Variants in TTC12 observed in about 807,000 individuals in gnomAD.
TTC12 encodes the protein tetratricopeptide repeat protein 12.
In TTC12, 70 loss-of-function variants were observed where a neutral mutation model predicts 90.1. The ratio of observed to expected loss-of-function variants is 0.78; its 90% confidence interval spans 0.64 to 0.95. TTC12 has a LOEUF of 0.95. Among genes scored for constraint, TTC12 ranks in the 40% least tolerant of loss-of-function variants. The pLI, the probability that TTC12 is intolerant of heterozygous loss-of-function variation, is 0.00. For missense variants in TTC12, 819 were observed against 846.1 expected (o/e 0.97, Z 0.40); for synonymous variants, 296 against 311.5 (o/e 0.95, Z 0.53).
At chr11:113,315,179 C>A in intron 1 of TTC12, 1 of 152,526 alleles carries the variant, frequency 6.6e-6, no homozygotes, top group Non-Finnish European at 1.5e-5. Flanking sequence ...TAAGCCGCAA[C>A]CCCACCCCCT....
At chr11:113,341,753 C>A in intron 11 of TTC12, 84 bp from the exon 12 acceptor site, 1 of 1,013,060 alleles carries the variant, frequency 9.9e-7, no homozygotes, top group Non-Finnish European at 1.6e-6. Flanking sequence ...TTTGGTGAAT[C>A]TAGGGGTGAA....
At chr11:113,326,467 CA>C (rs1555141090) in intron 6 of TTC12, among the ~76,000 whole-genome samples, 2 of 152,072 alleles carry the variant, frequency 1.3e-5, no homozygotes, top group African/African-American at 4.8e-5. Context: ...CTGTCATTTG[CA>C]AGAGGGAGAG....
intron 19 of TTC12, 103 bp downstream of exon 19, chr11:113,362,605 A>G (rs1949999196): frequency 1.3e-6 from 1 of 785,768 alleles, no homozygotes; most frequent in Non-Finnish European, 2.1e-6. Flanking sequence ...ATGTGCTGCC[A>G]TTTCTTCCTT....
chr11:113,368,800 G>C (rs76781840), downstream of TTC12: 2,165 of 426,628 alleles, frequency 5.1e-3, 45 homozygotes, highest in African/African-American at 0.039. Context: ...TGACTAAGAA[G>C]TATTAGGTTG....
rs782529412 is a variant in TTC12, at chr11:113,323,287, G to C, written c.59-1G>C. On this transcript the variant is annotated splice_acceptor_variant, in intron 2 of 21. Coordinates refer to ENST00000529221, the MANE Select transcript of TTC12 (RefSeq NM_017868.4). LOFTEE classifies it high-confidence loss of function. Reference sequence around the variant, plus strand: ...TAAGTCACACCTGATTTCTTCTCTAGCCAATTTAATTCAGGAGATGAATTC... The same window carrying C: ...TAAGTCACACCTGATTTCTTCTCTACCCAATTTAATTCAGGAGATGAATTC... The C allele has an allele frequency of 6.3e-7, 1 of 1,595,884 alleles. No homozygotes were observed. Among genetic ancestry groups the C allele is most frequent in the Non-Finnish European group, 8.5e-7 (1 of 1,173,458 alleles).
intron 6 of TTC12, among the ~76,000 whole-genome samples, chr11:113,326,189 C>T (rs1443944431): frequency 6.6e-6 from 1 of 152,110 alleles, no homozygotes; most frequent in South Asian, 2.1e-4. Flanking sequence ...GGTTTTTATG[C>T]ATTAGTATAT....
At chr11:113,324,745 G>A in intron 5 of TTC12, 63 bp downstream of exon 5, 1 of 1,430,196 alleles carries the variant, frequency 7.0e-7, no homozygotes, top group Admixed American at 1.8e-5. Flanking sequence ...GCACACGAAG[G>A]CCTGTATGCT....
chr11:113,356,185 T>G (rs1394555783), intron 16 of TTC12, among the ~76,000 whole-genome samples: 1 of 152,244 alleles, frequency 6.6e-6, no homozygotes, highest in Non-Finnish European at 1.5e-5. Flanking sequence ...CCTTTACCAA[T>G]ATGTGTAATC....
At chr11:113,335,074 C>T in intron 8 of TTC12, 37 bp downstream of exon 8, 1 of 1,446,360 alleles carries the variant, frequency 6.9e-7, no homozygotes, top group Middle Eastern at 1.7e-4. Context: ...CATGTTTGAT[C>T]ACAGACTGAT....
chr11:113,359,517 T>C, intron 17 of TTC12, 56 bp downstream of exon 17: 2 of 1,211,554 alleles, frequency 1.7e-6, no homozygotes, highest in South Asian at 1.2e-5. Flanking sequence ...ACACATTCTG[T>C]GGCATAAAAC....
intron 12 of TTC12, among the ~76,000 whole-genome samples, chr11:113,343,797 A>T (rs1383036832): frequency 4.6e-5 from 7 of 152,140 alleles, no homozygotes; most frequent in Non-Finnish European, 8.8e-5. Flanking sequence ...CTCTCATGTG[A>T]TATTCTAGTT....
intron 19 of TTC12, among the ~76,000 whole-genome samples, chr11:113,363,297 A>G (rs1188639878): frequency 1.3e-5 from 2 of 152,242 alleles, no homozygotes; most frequent in South Asian, 4.1e-4. Flanking sequence ...TCCTGATGGC[A>G]TGCATACCCA....
intron 1 of TTC12, 170 bp from the exon 2 acceptor site, chr11:113,316,073 C>T (rs113455158): frequency 1.2e-3 from 475 of 396,318 alleles, no homozygotes; most frequent in African/African-American, 8.5e-3. Context: ...TGCCTCTTGG[C>T]CTAAAACAGC....
rs75927379 is a variant in TTC12 at position 113,363,997 on chromosome 11, C to T, written c.1816+70C>T. 4.3e-3 allele frequency: 4,684 copies of T among 1,086,504 alleles called. 140 individuals are homozygous for T. The African/African-American group carries it at 0.065, about 15-fold the overall frequency. The allele number at this position is 1,086,504 out of a possible 1,614,324, so 67.3% of individuals were successfully genotyped here. On this transcript the variant is annotated intron_variant, in intron 20 of 21. Coordinates refer to ENST00000529221, the MANE Select transcript of TTC12 (RefSeq NM_017868.4). ...TCCACCCTTGAAGCTGCAAAGGGAACTGTGGTCGAGGAGGAACTTAGCAGC... is the reference window on the plus strand; with the variant it reads ...TCCACCCTTGAAGCTGCAAAGGGAATTGTGGTCGAGGAGGAACTTAGCAGC...
At chr11:113,355,139 A>G (rs183537274) in intron 16 of TTC12, among the ~76,000 whole-genome samples, 96 of 152,154 alleles carry the variant, frequency 6.3e-4, no homozygotes, top group African/African-American at 2.2e-3. Context: ...TTCAGAGCTC[A>G]TTATTGGTTT....
At chr11:113,361,954 T>TAAA (rs35243476) in intron 18 of TTC12, among the ~76,000 whole-genome samples, 21 of 137,962 alleles carry the variant, frequency 1.5e-4, no homozygotes, top group African/African-American at 4.4e-4. Context: ...GGCATTTATT[T>TAAA]AAAAAAAAAA....
intron 16 of TTC12, 26 bp from the exon 17 acceptor site, chr11:113,359,337 T>G (rs1949790398): frequency 6.5e-7 from 1 of 1,527,862 alleles, no homozygotes; most frequent in Non-Finnish European, 9.0e-7. Context: ...AAAAAGGTCA[T>G]TGGTTACCTT....
chr11:113,344,433 C>T lies in TTC12; in HGVS notation c.1147C>T (p.Leu383=), dbSNP rs782032271. 4 of 1,613,430 alleles carry T rather than the reference C, an allele frequency of 2.5e-6. No individual in the cohort carries two copies. In the Admixed American group the frequency reaches 5.0e-5, roughly 20 times the overall value. Residue 383 remains leucine (L), a synonymous_variant, in exon 13 of 22, where the codon CTG becomes TTG. Transcript: ENST00000529221. ...GAGCCTGATCATCAACCACCTTGAC[C>T]TGACCAGGTAAGCCTCTGCTGGCAG... The part of the protein sequence containing the change: ...GRSLIINHLD[L]TRLLEALVSF...
rs562244365 is a variant in TTC12, at chr11:113,340,946, G to A, written c.896+213G>A. 2.0e-5 allele frequency among the ~76,000 whole-genome samples: 3 copies of A among 152,278 alleles called. No individual in the cohort carries two copies. In the East Asian group the frequency reaches 5.8e-4, roughly 29 times the overall value. ...TGGAGTTACACTGCAGCTAACAATT[G>A]AGGCTGGGCGCGGTGGCTCATGCCA... On this transcript the variant is annotated intron_variant, in intron 11 of 21. Transcript: ENST00000529221.
Sources: allele counts gnomAD v4.1 joint callset (sites outside exome capture counted in the v4.1 genomes callset), GRCh38; gene constraint gnomAD v4.1.1; transcripts MANE v1.5; gene names NCBI Gene and HGNC (gene_info 2026-07-23, HGNC 2026-07-21).